PHLPP2: variants seen among roughly 807,000 people sequenced by gnomAD.
PHLPP2 encodes PH domain and leucine rich repeat protein phosphatase 2.
A neutral mutation model predicts 124.9 loss-of-function variants in PHLPP2; 66 were observed. The observed-to-expected ratio is 0.53, with a 90% CI of 0.43 to 0.65. The LOEUF (loss-of-function observed/expected upper bound fraction) is 0.65. Among genes scored for constraint, PHLPP2 ranks in the 30% least tolerant of loss-of-function variants. The pLI, the probability that PHLPP2 is intolerant of heterozygous loss-of-function variation, is 0.00. For missense variants in PHLPP2, 1,685 were observed against 1,600.4 expected, an observed-to-expected ratio of 1.05 and a Z score of -0.90; for synonymous variants, 681 against 624.7, an observed-to-expected ratio of 1.09 and a Z score of -1.34.
rs770448655 is a variant in PHLPP2, at chr16:71,679,377, A to G, written c.1037+12T>C. 3.7e-6 allele frequency: 6 copies of G among 1,612,386 alleles called. No individual in the cohort carries two copies. In the South Asian group the frequency reaches 5.5e-5, roughly 15 times the overall value. On this transcript the variant is annotated intron_variant, in intron 7 of 18. Coordinates refer to ENST00000568954, the MANE Select transcript of PHLPP2 (RefSeq NM_015020.3). ...TGCAAGGGAAAAGAGGAATCTAGTA[A>G]AAGTTACTTACTTTAGCAGATTGCC...
chr16:71,717,896 G>A (rs537436373), intron 1 of PHLPP2, among the ~76,000 whole-genome samples: 2 of 152,236 alleles, frequency 1.3e-5, no homozygotes, highest in South Asian at 4.1e-4. Flanking sequence ...ACTCCAGGAA[G>A]TTTTGTTTGT....
At position 71,649,364 on chromosome 16, in the gene PHLPP2, C is replaced by G. The variant is rs1436386050; in HGVS notation, c.3498G>C (p.Glu1166Asp). 6.2e-7 allele frequency: 1 copy of G among 1,613,424 alleles called. No homozygotes were observed. Among genetic ancestry groups the G allele is most frequent in the African/African-American group, 1.3e-5 (1 of 74,874 alleles). Reference protein sequence around the residue: ...EGVITNGSKVEVEVDIHCCRG... With the variant: ...EGVITNGSKVDVEVDIHCCRG... Reference sequence around the variant, plus strand: ...TGCAGCAGTGGATGTCTACTTCCACCTCTACCTTGCTGCCATTGGTTATGA... The same window carrying G: ...TGCAGCAGTGGATGTCTACTTCCACGTCTACCTTGCTGCCATTGGTTATGA... The change falls in exon 19 of 19, where the codon GAG becomes GAC. Residue 1166 changes from glutamate (E) to aspartate (D), a missense_variant. Physicochemically the swap from Glu to Asp is conservative, Grantham distance 45 (BLOSUM62 2). Transcript: ENST00000568954.
At chr16:71,674,399 A>T (rs1246933925) in intron 9 of PHLPP2, among the ~76,000 whole-genome samples, 38 of 132,072 alleles carry the variant, frequency 2.9e-4, no homozygotes, top group Admixed American at 1.6e-3. Context: ...TTTTTTTTTT[A>T]AAGAATTAAA....
At chr16:71,694,913 T>A (rs1270243004) in intron 3 of PHLPP2, among the ~76,000 whole-genome samples, 1 of 151,916 alleles carries the variant, frequency 6.6e-6, no homozygotes, top group African/African-American at 2.4e-5. Flanking sequence ...GCCTCCCGAG[T>A]AGCTGGGACT....
chr16:71,706,657 TTTAA>T (rs1257655219), intron 2 of PHLPP2, among the ~76,000 whole-genome samples: 2 of 152,164 alleles, frequency 1.3e-5, no homozygotes, highest in African/African-American at 4.8e-5. Context: ...GCTGAAAATG[TTTAA>T]TTATTACAAA....
At chr16:71,667,925 T>C (rs2044853150) in intron 11 of PHLPP2, among the ~76,000 whole-genome samples, 1 of 152,176 alleles carries the variant, frequency 6.6e-6, no homozygotes, top group South Asian at 2.1e-4. Flanking sequence ...AATAACATTT[T>C]ATACCTCAAT....
chr16:71,681,767 G>C lies in PHLPP2; in HGVS notation c.874C>G (p.Leu292Val), dbSNP rs779548951. ...NFMQLERPGG[L>V]DTLYKFSQLK... ...TCCACATACTTGTAGAGTGTATCGA[G>C]GCCTCCGGGTCTTTCTAACTGCATG... is the stretch of plus-strand genomic sequence containing the variant. The change falls in exon 6 of 19, where the codon CTC (leucine) becomes GTC (valine). Residue 292 changes from leucine to valine, a missense_variant. Transcript: ENST00000568954. 6.2e-7 allele frequency: 1 copy of C among 1,613,216 alleles called. No individual in the cohort carries two copies. Among genetic ancestry groups the C allele is most frequent in the East Asian group, 2.2e-5 (1 of 44,834 alleles).
At chr16:71,654,924 G>A (rs964134552) in intron 17 of PHLPP2, 4 of 237,958 alleles carry the variant, frequency 1.7e-5, no homozygotes, top group African/African-American at 8.8e-5. Flanking sequence ...ACAATCTTAT[G>A]AAAGCTGACC....
chr16:71,665,847 C>A (rs1474070695), intron 12 of PHLPP2, among the ~76,000 whole-genome samples: 1 of 152,128 alleles, frequency 6.6e-6, no homozygotes, highest in Non-Finnish European at 1.5e-5. Context: ...ATAAAGAAAA[C>A]TTCCTTTAAA....
chr16:71,714,291 A>G (rs1477577301), intron 2 of PHLPP2, among the ~76,000 whole-genome samples: 1 of 152,116 alleles, frequency 6.6e-6, no homozygotes, highest in Non-Finnish European at 1.5e-5. Context: ...TATCTGACCT[A>G]TGGTGTATTC....
chr16:71,722,357 C>G (rs1425724160), intron 1 of PHLPP2, among the ~76,000 whole-genome samples: 1 of 152,190 alleles, frequency 6.6e-6, no homozygotes, highest in East Asian at 1.9e-4. Context: ...TCGCTTGAAC[C>G]CTGGAGGCAG....
rs1022942400 is a variant in PHLPP2, at chr16:71,676,461, T to C, written c.1457A>G (p.Tyr486Cys). The change falls in exon 9 of 19, where the codon TAT becomes TGT. Residue 486 changes from tyrosine to cysteine, a missense_variant. Tyr to Cys is a radical substitution (Grantham distance 194). Coordinates refer to ENST00000568954, the MANE Select transcript of PHLPP2 (RefSeq NM_015020.3). ...AGAAAACTCACTGTTGGAACTGGCA[T>C]AGAGGGTCCGAAGGGAAAAGCCACT... ...TLSGFSLRTL[Y>C]ASSNRLTAVN... The C allele has an allele frequency of 3.1e-6, 5 of 1,613,854 alleles. No individual in the cohort carries two copies. The highest frequency in any genetic ancestry group is 3.4e-6 in the Non-Finnish European group (4 of 1,179,710).
In PHLPP2 at chr16:71,679,488, A is replaced by C; in HGVS notation, c.938T>G (p.Leu313Trp). The C allele has an allele frequency of 1.9e-6, 3 of 1,613,962 alleles. No individual in the cohort carries two copies. ...GLNLSHNKLG[L>W]FPILLCEIST... ...GATCTCGCATAACAATATAGGAAAC[A>C]ACCCAAGTTTATTATGGGACAAGTT... Residue 313 changes from leucine to tryptophan, a missense_variant, in exon 7 of 19, where the codon TTG (leucine) becomes TGG (tryptophan). Transcript: ENST00000568954.
intron 4 of PHLPP2, 124 bp from the exon 5 acceptor site, chr16:71,684,725 T>C (rs1487059056): frequency 5.9e-6 from 5 of 850,560 alleles, no homozygotes; most frequent in East Asian, 2.8e-5. Context: ...TTTTTCTCTC[T>C]CCCTCCTTGT....
chr16:71,723,245 G>C (rs1182928704), intron 1 of PHLPP2: 1 of 152,342 alleles, frequency 6.6e-6, no homozygotes, highest in East Asian at 1.9e-4. Context: ...GAGGGCAGAG[G>C]AGCCGGCTCC....
intron 9 of PHLPP2, 61 bp downstream of exon 9, chr16:71,676,386 T>A: frequency 7.3e-7 from 1 of 1,365,982 alleles, no homozygotes; most frequent in Non-Finnish European, 1.0e-6. Flanking sequence ...GTGCCACTGT[T>A]CTCAGAAAGC....
intron 12 of PHLPP2, chr16:71,664,359 C>T (rs2044820267): frequency 1.1e-5 from 6 of 537,258 alleles, no homozygotes; most frequent in Non-Finnish European, 2.0e-5. Flanking sequence ...CTGATTCTAA[C>T]CTAACTTCAT....
chr16:71,665,812 G>A (rs2044834570), intron 12 of PHLPP2, among the ~76,000 whole-genome samples: 1 of 152,134 alleles, frequency 6.6e-6, no homozygotes, highest in Non-Finnish European at 1.5e-5. Flanking sequence ...ATTAACAACT[G>A]CATCAATACT....
At chr16:71,663,258 T>C (rs1253674894) in intron 13 of PHLPP2, among the ~76,000 whole-genome samples, 3 of 152,230 alleles carry the variant, frequency 2.0e-5, no homozygotes, top group Non-Finnish European at 4.4e-5. Flanking sequence ...ATTACAGGCA[T>C]GTGCCACCAC....
Sources: allele counts gnomAD v4.1 joint callset (sites outside exome capture counted in the v4.1 genomes callset), GRCh38; gene constraint gnomAD v4.1.1; transcripts MANE v1.5; gene names NCBI Gene and HGNC (gene_info 2026-07-23, HGNC 2026-07-21).